COL12A1: variants seen among roughly 807,000 people sequenced by gnomAD.
The protein encoded by COL12A1 is collagen type XII alpha 1 chain, also known as collagen alpha-1(XII) chain.
A neutral mutation model predicts 349.7 loss-of-function variants in COL12A1; 114 were observed. That is an observed-to-expected ratio of 0.33 (90% CI 0.28 to 0.38). COL12A1 has a LOEUF of 0.38. COL12A1 is among the 10% of genes least tolerant of loss of function. The probability of loss-of-function intolerance (pLI) is 1.00; values close to 1 mark genes in which losing one functional copy is unlikely to be tolerated. For synonymous variants in COL12A1, 1,369 were observed against 1,329.0 expected, an observed-to-expected ratio of 1.03 and a Z score of -0.66; for missense variants, 3,284 against 3,756.9, an observed-to-expected ratio of 0.87 and a Z score of 3.29.
chr6:75,105,541 C>G (rs1222232526), intron 53 of COL12A1, among the ~76,000 whole-genome samples: 1 of 151,864 alleles, frequency 6.6e-6, no homozygotes, highest in African/African-American at 2.4e-5. Flanking sequence ...TAATTTAATC[C>G]AATTTCCTCT....
At chr6:75,114,921 C>T (rs892075854) in intron 49 of COL12A1, among the ~76,000 whole-genome samples, 2 of 152,022 alleles carry the variant, frequency 1.3e-5, no homozygotes, top group Non-Finnish European at 2.9e-5. Context: ...AGAAATCATA[C>T]GCTGAGCTGA....
At chr6:75,185,590 A>G (rs1334313073) in intron 8 of COL12A1, among the ~76,000 whole-genome samples, 3 of 152,222 alleles carry the variant, frequency 2.0e-5, no homozygotes, top group Admixed American at 6.5e-5. Context: ...ACTACCATTG[A>G]GATTCTTCAC....
At chr6:75,173,190 C>T (rs1376223151) in intron 13 of COL12A1, among the ~76,000 whole-genome samples, 3 of 152,126 alleles carry the variant, frequency 2.0e-5, no homozygotes, top group African/African-American at 7.2e-5. Flanking sequence ...ATCATCCCTT[C>T]TTTATAGATG....
chr6:75,152,157 G>A lies in COL12A1; in HGVS notation c.3809C>T (p.Pro1270Leu), dbSNP rs762126901. The change falls in exon 19 of 66, where the codon CCG (proline) becomes CTG (leucine). Residue 1270 changes from proline (P) to leucine (L), a missense_variant. By Grantham distance (98) the Pro-to-Leu change is moderately conservative. Transcript: ENST00000322507. ...KSLLQAVANL[P>L]YKGGNTLTGM... Reference sequence around the variant, plus strand: ...TGTGAGAGTATTGCCTCCTTTGTACGGCAAGTTTGCCACAGCTTGCAACAA... The same window carrying A: ...TGTGAGAGTATTGCCTCCTTTGTACAGCAAGTTTGCCACAGCTTGCAACAA... The A allele has an allele frequency of 1.1e-5, 17 of 1,613,596 alleles. No homozygotes were observed. Among genetic ancestry groups the A allele is most frequent in the Non-Finnish European group, 1.2e-5 (14 of 1,179,802 alleles).
chr6:75,098,131 C>T (rs544735106), intron 58 of COL12A1, among the ~76,000 whole-genome samples: 13 of 152,156 alleles, frequency 8.5e-5, no homozygotes, highest in Non-Finnish European at 1.5e-4. Flanking sequence ...CATTTAAATT[C>T]GCCCTTATCT....
intron 13 of COL12A1, among the ~76,000 whole-genome samples, chr6:75,172,469 A>C (rs766859929): frequency 6.6e-6 from 1 of 152,244 alleles, no homozygotes; most frequent in Non-Finnish European, 1.5e-5. Context: ...ACTCCTTATA[A>C]AGAAGAAATG....
At position 75,131,125 on chromosome 6, in the gene COL12A1, C is replaced by T. The variant is rs1582099574; in HGVS notation, c.5938-144G>A. The T allele has an allele frequency of 2.4e-5, 26 of 1,084,446 alleles. No individual in the cohort carries two copies. In the East Asian group the frequency reaches 6.4e-4, roughly 27 times the overall value. 67.2% of individuals were successfully genotyped at this position (1,084,446 alleles called of 1,614,324 possible). On this transcript the variant is annotated intron_variant, in intron 35 of 65. Transcript: ENST00000322507. ...AACTGTGCTTCTCCATAAGATCCAC[C>T]CAGACCATATCATTAAACAAAATTT...
At chr6:75,162,608 C>T (rs529367928) in intron 14 of COL12A1, among the ~76,000 whole-genome samples, 1 of 152,258 alleles carries the variant, frequency 6.6e-6, no homozygotes, top group South Asian at 2.1e-4. Flanking sequence ...TGGGCAAAGG[C>T]TTCATGACTA....
intron 1 of COL12A1, among the ~76,000 whole-genome samples, chr6:75,203,898 G>T (rs75147447): frequency 0.022 from 3,373 of 152,268 alleles, 112 homozygotes; most frequent in African/African-American, 0.076. Context: ...AAATGGAGGG[G>T]GATAGGAGAC....
chr6:75,135,099 G>C, intron 31 of COL12A1, among the ~76,000 whole-genome samples: 1 of 150,460 alleles, frequency 6.6e-6, no homozygotes, highest in East Asian at 2.0e-4. Flanking sequence ...CAACTTGCTA[G>C]CCGCCAGCAC....
At chr6:75,116,306 A>G (rs1036233028) in intron 47 of COL12A1, among the ~76,000 whole-genome samples, 8 of 152,136 alleles carry the variant, frequency 5.3e-5, no homozygotes, top group Admixed American at 3.9e-4. Context: ...CAGTACTCTT[A>G]AAAATAATAA....
Position 75,102,606 on chromosome 6 carries a change from C to G in COL12A1, c.8406G>C (p.Pro2802=), listed in dbSNP as rs761216954. The change falls in exon 56 of 66, where the codon CCG becomes CCC. Residue 2802 remains proline, a synonymous_variant. Transcript: ENST00000322507. ...AAGGCTTTGTGCTTACTTGCTCTCCCGGAATAGAGAGTCCATTGGGTCCCT... is the reference window on the plus strand; with the variant it reads ...AAGGCTTTGTGCTTACTTGCTCTCCGGGAATAGAGAGTCCATTGGGTCCCT... ...GPQGPNGLSI[P]GEQGRQGMKG... is the part of the protein sequence containing the mutation. 2.6e-6 allele frequency: 4 copies of G among 1,540,866 alleles called. No individual in the cohort carries two copies. Among genetic ancestry groups the G allele is most frequent in the Non-Finnish European group, 8.7e-7 (1 of 1,145,658 alleles).
intron 26 of COL12A1, 165 bp downstream of exon 26, chr6:75,143,087 T>G: frequency 1.5e-6 from 1 of 688,396 alleles, no homozygotes; most frequent in Non-Finnish European, 2.4e-6. Flanking sequence ...GTCCAATATA[T>G]CATTGATTTT....
At chr6:75,105,979 C>T (rs920340005) in intron 53 of COL12A1, among the ~76,000 whole-genome samples, 10 of 152,086 alleles carry the variant, frequency 6.6e-5, no homozygotes, top group African/African-American at 1.9e-4. Flanking sequence ...CCATCACCAA[C>T]GTTCAACTTT....
At chr6:75,150,216 A>T (rs1442539432) in intron 21 of COL12A1, among the ~76,000 whole-genome samples, 1 of 152,174 alleles carries the variant, frequency 6.6e-6, no homozygotes, top group Admixed American at 6.5e-5. Flanking sequence ...AATAAGAGCC[A>T]TAATTTTTAT....
chr6:75,101,983 T>G lies in COL12A1; in HGVS notation c.8469+16A>C. ...TTCAAATAGCACATGACAGGGCAAC[T>G]TAGAGACCAACTCACTGTTCGGCCT... On this transcript the variant is annotated intron_variant, in intron 57 of 65. Coordinates refer to ENST00000322507, the MANE Select transcript of COL12A1 (RefSeq NM_004370.6). 6.2e-7 allele frequency: 1 copy of G among 1,614,088 alleles called. No homozygotes were observed. The highest frequency in any genetic ancestry group is 8.5e-7 in the Non-Finnish European group (1 of 1,179,968).
Position 75,123,969 on chromosome 6 carries a change from C to T in COL12A1, c.6850G>A (p.Val2284Ile), listed in dbSNP as rs760855058. The change falls in exon 42 of 66, where the codon GTC becomes ATC. Residue 2284 changes from valine to isoleucine, a missense_variant. Val to Ile is a conservative substitution (Grantham distance 29). This residue lies in a region of COL12A1 where 2,601 missense variants were observed against 2,824.8 expected (regional missense o/e 0.92). Coordinates refer to ENST00000322507, the MANE Select transcript of COL12A1 (RefSeq NM_004370.6). ...TTACTGGTATGTTCTTTAACAGAGACTCCTGGTCCCTCGAGATTTGGTGTC... is the reference window on the plus strand; with the variant it reads ...TTACTGGTATGTTCTTTAACAGAGATTCCTGGTCCCTCGAGATTTGGTGTC... ...VQTPNLEGPG[V>I]SVKEHTTVKP... The T allele has an allele frequency of 1.9e-6, 3 of 1,613,004 alleles. No individual in the cohort carries two copies. The African/African-American group carries it at 4.0e-5, about 22-fold the overall frequency.
intron 60 of COL12A1, 81 bp from the exon 61 acceptor site, chr6:75,091,606 G>T: frequency 7.4e-7 from 1 of 1,349,364 alleles, no homozygotes; most frequent in Non-Finnish European, 1.0e-6. Context: ...TGATGAACGA[G>T]AACAAGTTCT....
At chr6:75,191,851 A>T in intron 4 of COL12A1, 91 bp from the exon 5 acceptor site, 1 of 752,392 alleles carries the variant, frequency 1.3e-6, no homozygotes, top group Non-Finnish European at 1.9e-6. Flanking sequence ...AGTTTTTGTT[A>T]TTGTCTCTTA....
Sources: allele counts gnomAD v4.1 joint callset (sites outside exome capture counted in the v4.1 genomes callset), GRCh38; gene constraint gnomAD v4.1.1; regional missense constraint gnomAD v4.1.1; transcripts MANE v1.5; gene names NCBI Gene and HGNC (gene_info 2026-07-23, HGNC 2026-07-21).